The following STK39 variants were observed in gnomAD, a reference collection of about 807,000 sequenced individuals.
STK39 encodes STE20/SPS1-related proline-alanine-rich protein kinase.
A neutral mutation model predicts 77.8 loss-of-function variants in STK39; 20 were observed. The ratio of observed to expected loss-of-function variants is 0.26; its 90% confidence interval spans 0.18 to 0.37. The LOEUF (loss-of-function observed/expected upper bound fraction) is 0.37, where lower values mean the gene tolerates loss of function less well. Ranked by LOEUF, STK39 falls within the 10% of genes least tolerant of loss-of-function variation. STK39 has a pLI of 1.00. For missense variants in STK39, 479 were observed against 656.5 expected, an observed-to-expected ratio of 0.73 and a Z score of 2.95; for synonymous variants, 246 against 234.1, an observed-to-expected ratio of 1.05 and a Z score of -0.47.
chr2:168,241,291 G>A (rs10930317), intron 1 of STK39, among the ~76,000 whole-genome samples: 110,377 of 152,150 alleles, frequency 0.73, 42,384 homozygotes, highest in Non-Finnish European at 0.86. Context: ...GGACACACAG[G>A]GAGCGTTTCT....
At chr2:168,217,625 G>A (rs1381621310) in intron 1 of STK39, among the ~76,000 whole-genome samples, 1 of 152,096 alleles carries the variant, frequency 6.6e-6, no homozygotes, top group Non-Finnish European at 1.5e-5. Flanking sequence ...TGTAGTATTT[G>A]CATATAACCT....
At chr2:168,156,858 AC>A (rs1326337766) in intron 5 of STK39, among the ~76,000 whole-genome samples, 2 of 152,172 alleles carry the variant, frequency 1.3e-5, no homozygotes, top group Admixed American at 1.3e-4. Context: ...GCTTTCCCAC[AC>A]TAATCAGAAG....
At chr2:168,153,976 G>C (rs986140853) in intron 5 of STK39, among the ~76,000 whole-genome samples, 5 of 152,210 alleles carry the variant, frequency 3.3e-5, no homozygotes, top group Non-Finnish European at 5.9e-5. Context: ...ATGCCGTGTA[G>C]AGAACAGACC....
chr2:168,191,188 G>A (rs1163892861), intron 1 of STK39, among the ~76,000 whole-genome samples: 1 of 152,152 alleles, frequency 6.6e-6, no homozygotes, highest in African/African-American at 2.4e-5. Context: ...ATAAGAAAAA[G>A]GAATCCCTCT....
intron 5 of STK39, among the ~76,000 whole-genome samples, chr2:168,153,639 TG>T (rs11340305): frequency 0.45 from 60,741 of 135,190 alleles, 14,137 homozygotes; most frequent in East Asian, 0.7. Flanking sequence ...AAATATGGGG[TG>T]GGGGGGGGTT....
At chr2:168,008,469 C>T (rs1480381372) in intron 16 of STK39, among the ~76,000 whole-genome samples, 1 of 152,184 alleles carries the variant, frequency 6.6e-6, no homozygotes, top group African/African-American at 2.4e-5. Flanking sequence ...TGGGAAGAAA[C>T]ACCAGGGGCT....
At chr2:167,999,993 G>C (rs1277301452) in intron 16 of STK39, among the ~76,000 whole-genome samples, 4 of 152,142 alleles carry the variant, frequency 2.6e-5, no homozygotes, top group Non-Finnish European at 5.9e-5. Flanking sequence ...GCAGTCTTTT[G>C]GGCAGGGAGC....
chr2:168,153,708 G>A (rs1441402879), intron 5 of STK39, among the ~76,000 whole-genome samples: 1 of 152,062 alleles, frequency 6.6e-6, no homozygotes, highest in African/African-American at 2.4e-5. Flanking sequence ...TCTGAAGGAG[G>A]TAAGGAAAAG....
intron 14 of STK39, among the ~76,000 whole-genome samples, chr2:168,059,107 C>T (rs1011269860): frequency 1.1e-4 from 17 of 152,122 alleles, no homozygotes; most frequent in Non-Finnish European, 2.1e-4. Context: ...GCTGTTTGCT[C>T]GGCCTCGTGG....
At chr2:168,100,532 G>A (rs1686795591) in intron 10 of STK39, among the ~76,000 whole-genome samples, 1 of 152,170 alleles carries the variant, frequency 6.6e-6, no homozygotes, top group Non-Finnish European at 1.5e-5. Context: ...CCAAAGTGTA[G>A]GGATTACAGG....
chr2:168,115,505 A>G (rs1254413807), intron 10 of STK39, among the ~76,000 whole-genome samples: 2 of 152,368 alleles, frequency 1.3e-5, no homozygotes, highest in Non-Finnish European at 1.5e-5. Flanking sequence ...TGCAAGTACA[A>G]TGATGTTCAT....
At chr2:168,045,413 A>G (rs895687319) in intron 14 of STK39, among the ~76,000 whole-genome samples, 2 of 151,146 alleles carry the variant, frequency 1.3e-5, no homozygotes, top group African/African-American at 2.4e-5. Context: ...CCCAGTTGAC[A>G]CTGATATTTG....
chr2:167,981,633 T>C (rs1683421426), intron 16 of STK39, among the ~76,000 whole-genome samples: 1 of 152,242 alleles, frequency 6.6e-6, no homozygotes, highest in Non-Finnish European at 1.5e-5. Context: ...ATTTAACATT[T>C]GTCTTGTATT....
At chr2:168,131,513 A>G (rs1687696807) in intron 8 of STK39, among the ~76,000 whole-genome samples, 1 of 152,226 alleles carries the variant, frequency 6.6e-6, no homozygotes, top group Admixed American at 6.5e-5. Context: ...GAATTAGAAA[A>G]TGTCATTACG....
At chr2:168,095,434 G>T (rs113892839) in intron 10 of STK39, among the ~76,000 whole-genome samples, 2 of 151,950 alleles carry the variant, frequency 1.3e-5, no homozygotes, top group African/African-American at 4.8e-5. Context: ...CCTCCAAAGA[G>T]GTCTAAAGAA....
intron 1 of STK39, among the ~76,000 whole-genome samples, chr2:168,241,499 A>G (rs1395105290): frequency 6.6e-6 from 1 of 152,180 alleles, no homozygotes; most frequent in Non-Finnish European, 1.5e-5. Flanking sequence ...CCAAATTGCC[A>G]GGAGCTCCAC....
intron 16 of STK39, among the ~76,000 whole-genome samples, chr2:167,983,099 A>G (rs1683464179): frequency 6.6e-6 from 1 of 152,188 alleles, no homozygotes; most frequent in Admixed American, 6.5e-5. Context: ...GTTGAGGATA[A>G]TATGTTAACT....
intron 16 of STK39, among the ~76,000 whole-genome samples, chr2:167,995,864 C>A (rs75444497): frequency 0.05 from 7,610 of 152,244 alleles, 686 homozygotes; most frequent in African/African-American, 0.17. Flanking sequence ...ACTACCTCTC[C>A]TTCCCAGCCC....
intron 10 of STK39, among the ~76,000 whole-genome samples, chr2:168,083,362 G>C (rs183173471): frequency 6.6e-6 from 1 of 151,988 alleles, no homozygotes; most frequent in African/African-American, 2.4e-5. Flanking sequence ...AGGGCAGAGA[G>C]CTTGTTTTAG....
Sources: allele counts gnomAD v4.1 joint callset (sites outside exome capture counted in the v4.1 genomes callset), GRCh38; gene constraint gnomAD v4.1.1; transcripts MANE v1.5; gene names NCBI Gene and HGNC (gene_info 2026-07-23, HGNC 2026-07-21).